Variants in MALT1 observed in about 807,000 individuals in gnomAD.
MALT1 encodes the protein mucosa-associated lymphoid tissue lymphoma translocation protein 1.
In MALT1, 36 loss-of-function variants were observed where a neutral mutation model predicts 85.5. The observed-to-expected ratio is 0.42, with a 90% CI of 0.32 to 0.56. The LOEUF (loss-of-function observed/expected upper bound fraction) is 0.56, where lower values mean the gene tolerates loss of function less well. Among genes scored for constraint, MALT1 ranks in the 20% least tolerant of loss-of-function variants. MALT1 has a pLI of 0.10. For missense variants in MALT1, 716 were observed against 981.6 expected (o/e 0.73, Z 3.62); for synonymous variants, 359 against 361.3 (o/e 0.99, Z 0.07).
chr18:58,747,336 T>G (rs1219408728), intron 16 of MALT1, 69 bp from the exon 17 acceptor site: 1 of 1,019,942 alleles, frequency 9.8e-7, no homozygotes, highest in Non-Finnish European at 1.5e-6. Flanking sequence ...TGTGTATGTG[T>G]GAATATTTTC....
chr18:58,747,593 C>A lies in MALT1; in HGVS notation c.2226C>A (p.Ala742=), dbSNP rs1000966388. Residue 742 remains alanine (A), a synonymous_variant, in exon 17 of 17, where the codon GCC becomes GCA. Coordinates refer to ENST00000649217, the MANE Select transcript of MALT1 (RefSeq NM_006785.4). ...ATGGTCCTTACCAGAGTTCTGCAGC[C>A]ACCTCAGGAGGAGCAGGGCATTATC... ...MSNGPYQSSA[A]TSGGAGHYHS... is the part of the protein sequence containing the mutation. 53 of 1,614,054 alleles carry A rather than the reference C, an allele frequency of 3.3e-5. No homozygotes were observed. Among genetic ancestry groups the A allele is most frequent in the Non-Finnish European group, 4.3e-5 (51 of 1,180,032 alleles).
chr18:58,735,808 A>C (rs1212694459), intron 13 of MALT1, among the ~76,000 whole-genome samples: 1 of 152,120 alleles, frequency 6.6e-6, no homozygotes. Context: ...TGATGAACTT[A>C]GTAGTTTTTA....
chr18:58,740,696 G>A (rs1372836853), intron 13 of MALT1, among the ~76,000 whole-genome samples: 1 of 152,040 alleles, frequency 6.6e-6, no homozygotes. Flanking sequence ...ATGAAATTTT[G>A]TAAATTTTGC....
At chr18:58,726,718 T>A (rs2055059892) in intron 10 of MALT1, among the ~76,000 whole-genome samples, 5 of 152,250 alleles carry the variant, frequency 3.3e-5, no homozygotes. Flanking sequence ...CTAGTTATGT[T>A]GTATAGATGG....
intron 3 of MALT1, among the ~76,000 whole-genome samples, chr18:58,698,860 T>C (rs1253615364): frequency 6.6e-6 from 1 of 152,220 alleles, no homozygotes; most frequent in African/African-American, 2.4e-5. Context: ...ATGTTGTTCA[T>C]GCAGGCACCA....
chr18:58,707,687 T>G (rs571709810), intron 4 of MALT1, among the ~76,000 whole-genome samples: 50 of 152,316 alleles, frequency 3.3e-4, no homozygotes, highest in African/African-American at 1.2e-3. Flanking sequence ...ACATATGAGA[T>G]TAACATATTA....
chr18:58,743,328 G>T (rs1032680829), intron 14 of MALT1, among the ~76,000 whole-genome samples: 5 of 152,072 alleles, frequency 3.3e-5, no homozygotes, highest in African/African-American at 1.2e-4. Context: ...GTAAGCTGAG[G>T]TCACGCCATT....
chr18:58,708,456 C>T (rs1056159444), intron 4 of MALT1, among the ~76,000 whole-genome samples: 1 of 152,210 alleles, frequency 6.6e-6, no homozygotes, highest in Non-Finnish European at 1.5e-5. Context: ...CTAATGCCAG[C>T]TCACAGTCTG....
At chr18:58,673,460 C>T (rs1568118204) in intron 1 of MALT1, among the ~76,000 whole-genome samples, 1 of 149,710 alleles carries the variant, frequency 6.7e-6, no homozygotes, top group Non-Finnish European at 1.5e-5. Context: ...TTTGCATTAT[C>T]TTTTTTTTTT....
intron 1 of MALT1, among the ~76,000 whole-genome samples, chr18:58,676,802 AC>A (rs986898221): frequency 6.6e-6 from 1 of 152,236 alleles, no homozygotes; most frequent in Non-Finnish European, 1.5e-5. Context: ...TATCCTCAAC[AC>A]CTAGAAAAAA....
chr18:58,688,522 A>T (rs889370531), intron 2 of MALT1, among the ~76,000 whole-genome samples: 7 of 117,134 alleles, frequency 6.0e-5, no homozygotes, highest in Non-Finnish European at 1.2e-4. Context: ...CAACATAATG[A>T]GGCCCTGTTT....
rs371210384 is a variant in MALT1, at chr18:58,715,931, A to G, written c.986-4A>G. 1.0e-3 allele frequency: 1,642 copies of G among 1,600,078 alleles called. 27 individuals are homozygous for G. In the South Asian group the frequency reaches 0.017, roughly 16 times the overall value. Reference sequence around the variant, plus strand: ...ACATGTTTTGCTTTTTTATCTTTGTATAGATAATAAAGAGCAAACAACTGA... The same window carrying G: ...ACATGTTTTGCTTTTTTATCTTTGTGTAGATAATAAAGAGCAAACAACTGA... On this transcript the variant is annotated splice_region_variant and splice_polypyrimidine_tract_variant and intron_variant, in intron 8 of 16. Coordinates refer to ENST00000649217, the MANE Select transcript of MALT1 (RefSeq NM_006785.4).
intron 14 of MALT1, among the ~76,000 whole-genome samples, chr18:58,742,578 C>T (rs1033653688): frequency 4.6e-5 from 7 of 152,120 alleles, no homozygotes; most frequent in Non-Finnish European, 5.9e-5. Flanking sequence ...TGTGGTGGCA[C>T]GTGCCTGTAA....
At chr18:58,696,345 T>TC (rs2054588291) in intron 2 of MALT1, 21 bp from the exon 3 acceptor site, 2 of 1,334,438 alleles carry the variant, frequency 1.5e-6, no homozygotes, top group East Asian at 5.7e-5. Context: ...TAATTTTTTT[T>TC]TTTTTTTTTT....
intron 12 of MALT1, 107 bp downstream of exon 12, chr18:58,734,488 C>A: frequency 1.2e-6 from 1 of 814,458 alleles, no homozygotes. Flanking sequence ...GGCTGGAGTG[C>A]AGAGGCGCCA....
intron 10 of MALT1, 54 bp from the exon 11 acceptor site, chr18:58,733,343 T>A: frequency 8.5e-7 from 1 of 1,179,122 alleles, no homozygotes; most frequent in Non-Finnish European, 1.2e-6. Flanking sequence ...GTCTGTATGT[T>A]CAGAGTGCAT....
intron 4 of MALT1, among the ~76,000 whole-genome samples, chr18:58,703,775 C>G (rs2054707707): frequency 6.6e-6 from 1 of 152,106 alleles, no homozygotes; most frequent in Non-Finnish European, 1.5e-5. Flanking sequence ...TCATATCAAC[C>G]TTTCTCAATT....
chr18:58,704,593 A>G (rs2054719316), intron 4 of MALT1, among the ~76,000 whole-genome samples: 1 of 152,100 alleles, frequency 6.6e-6, no homozygotes, highest in South Asian at 2.1e-4. Flanking sequence ...AGTAACTGGG[A>G]CCACACACAT....
intron 9 of MALT1, among the ~76,000 whole-genome samples, chr18:58,722,076 G>A (rs185008591): frequency 8.7e-4 from 132 of 151,676 alleles, no homozygotes; most frequent in Admixed American, 5.4e-3. Flanking sequence ...TTATTGTCAC[G>A]GGATGGTCTT....
Sources: allele counts gnomAD v4.1 joint callset (sites outside exome capture counted in the v4.1 genomes callset), GRCh38; gene constraint gnomAD v4.1.1; transcripts MANE v1.5; gene names NCBI Gene and HGNC (gene_info 2026-07-23, HGNC 2026-07-21).